Variants in URM1 observed in about 807,000 individuals in gnomAD.
URM1 encodes ubiquitin-related modifier 1.
A neutral mutation model predicts 17.7 loss-of-function variants in URM1; 11 were observed. The ratio of observed to expected loss-of-function variants is 0.62; its 90% CI spans 0.39 to 1.03. The LOEUF is 1.03. Ranked by LOEUF, URM1 falls within the 50% of genes least tolerant of loss-of-function variation. The pLI is 0.00. For synonymous variants in URM1, 48 were observed against 50.6 expected (o/e 0.95, Z 0.22); for missense variants, 128 against 129.2 (o/e 0.99, Z 0.04).
chr9:128,373,692 T>C (rs549873458), intron 1 of URM1, among the ~76,000 whole-genome samples: 1 of 152,302 alleles, frequency 6.6e-6, no homozygotes, highest in South Asian at 2.1e-4. Context: ...GGCCCAGATA[T>C]GGAGTTCTCT....
intron 3 of URM1, chr9:128,389,060 T>C (rs1324813928): frequency 1.5e-6 from 2 of 1,354,176 alleles, no homozygotes; most frequent in South Asian, 2.1e-5. Context: ...ATTTTCCATC[T>C]GGCTACAAAG....
intron 4 of URM1, 123 bp downstream of exon 4, chr9:128,389,432 C>G (rs1564413786): frequency 6.3e-7 from 1 of 1,590,428 alleles, no homozygotes; most frequent in Non-Finnish European, 8.6e-7. Flanking sequence ...ACTCCAGCCC[C>G]ACACTGAGGC....
intron 2 of URM1, among the ~76,000 whole-genome samples, chr9:128,380,969 T>C (rs974739931): frequency 2.6e-5 from 4 of 152,106 alleles, no homozygotes; most frequent in African/African-American, 9.7e-5. Flanking sequence ...GGACTACAGG[T>C]GCCTGCCACC....
chr9:128,385,659 G>A (rs938112517), intron 2 of URM1, among the ~76,000 whole-genome samples: 3 of 152,150 alleles, frequency 2.0e-5, no homozygotes, highest in Non-Finnish European at 4.4e-5. Context: ...CATCTGGCTT[G>A]GAGGCTATTT....
intron 1 of URM1, among the ~76,000 whole-genome samples, chr9:128,371,704 C>G (rs2286814): frequency 6.6e-6 from 1 of 152,028 alleles, no homozygotes; most frequent in African/African-American, 2.4e-5. Context: ...CAGCCTCTCT[C>G]TCTTCTTTTC....
intron 2 of URM1, among the ~76,000 whole-genome samples, chr9:128,384,919 C>T (rs1360587673): frequency 6.6e-6 from 1 of 152,176 alleles, no homozygotes; most frequent in Non-Finnish European, 1.5e-5. Context: ...CCCTCCCTAC[C>T]TCCCCAGTTG....
chr9:128,371,325 AT>A (rs375450607), upstream of URM1: 4,869 of 1,572,590 alleles, frequency 3.1e-3, 21 homozygotes, highest in Middle Eastern at 0.011. Flanking sequence ...ACGCCCGGAA[AT>A]TTGCGGGCGC....
chr9:128,373,753 G>C (rs1017638963), intron 1 of URM1, among the ~76,000 whole-genome samples: 6 of 152,206 alleles, frequency 3.9e-5, no homozygotes, highest in African/African-American at 1.4e-4. Flanking sequence ...TTGGCAAAAG[G>C]AGGGAATGTC....
chr9:128,389,140 G>C, intron 3 of URM1, 121 bp from the exon 4 acceptor site: 1 of 1,484,302 alleles, frequency 6.7e-7, no homozygotes, highest in Non-Finnish European at 8.9e-7. Context: ...TCTTTAGCCA[G>C]ACCCCAGGAG....
chr9:128,385,129 A>G (rs967522096), intron 2 of URM1, among the ~76,000 whole-genome samples: 6 of 152,132 alleles, frequency 3.9e-5, no homozygotes, highest in African/African-American at 1.4e-4. Context: ...GCCTGGCCCC[A>G]TCTCCTGCTG....
chr9:128,388,859 G>A, intron 3 of URM1: 3 of 1,007,354 alleles, frequency 3.0e-6, no homozygotes, highest in Non-Finnish European at 3.6e-6. Context: ...TTAGACCCCT[G>A]GAAAAGTCCT....
chr9:128,380,853 C>G lies in URM1; in HGVS notation c.106+2747C>G, dbSNP rs140274452. On this transcript the variant is annotated intron_variant, in intron 2 of 4. Transcript: ENST00000372853. ...TTTGTTGTTGTTTTTGAGACGTAGT[C>G]TCGCTCTGTTGCCCAGGCTGGAATG... Among the ~76,000 whole-genome samples the G allele has an allele frequency of 1.8e-3, 272 of 152,006 alleles. 1 individual carries two copies. Among genetic ancestry groups the G allele is most frequent in the African/African-American group, 6.2e-3 (256 of 41,454 alleles).
At chr9:128,376,978 C>A (rs980480415) in intron 1 of URM1, among the ~76,000 whole-genome samples, 3 of 151,928 alleles carry the variant, frequency 2.0e-5, no homozygotes, top group African/African-American at 7.3e-5. Context: ...AAAGCAAGAC[C>A]TTGTCTCAAA....
Position 128,372,258 on chromosome 9 carries a change from ATAGG to A in URM1, c.35+848_35+851del, listed in dbSNP as rs1199150629. ...TACAGTATCACGTGGAAAAGAGGAA[ATAGG>A]TAGGGATGTGTGTGTGTGTGTGTGG... On this transcript the variant is annotated intron_variant, in intron 1 of 4. Transcript: ENST00000372853. 7.2e-5 allele frequency among the ~76,000 whole-genome samples: 11 copies of A among 152,030 alleles called. No homozygotes were observed. In the South Asian group the frequency reaches 1.0e-3, roughly 14 times the overall value.
chr9:128,372,190 G>T (rs1339551499), intron 1 of URM1, among the ~76,000 whole-genome samples: 5 of 152,220 alleles, frequency 3.3e-5, no homozygotes, highest in African/African-American at 1.2e-4. Context: ...AGAGCTTAGA[G>T]AGAAGGCAAA....
chr9:128,391,254 A>C lies in URM1; in HGVS notation c.*1520A>C, dbSNP rs1833310369. On this transcript the variant is annotated 3_prime_UTR_variant, in exon 5 of 5. Transcript: ENST00000372853. ...GATGAAAGTGGCAAAAGGTTGTCCC[A>C]GCAGTGTTGGGGGATGGGGTGTGCA... 6.6e-6 allele frequency: 1 copy of C among 152,266 alleles called. No individual in the cohort carries two copies. The highest frequency in any genetic ancestry group is 1.5e-5 in the Non-Finnish European group (1 of 68,066). 9.4% of individuals were successfully genotyped at this position (152,266 alleles called of 1,614,324 possible).
chr9:128,371,488 TG>T (rs1325448580), intron 1 of URM1, 73 bp downstream of exon 1: 49 of 1,522,738 alleles, frequency 3.2e-5, no homozygotes, highest in Non-Finnish European at 4.1e-5. Context: ...CCTTCTGCCG[TG>T]GGGCCTGACA....
chr9:128,386,673 A>AAGTCTC (rs553435114), intron 2 of URM1, among the ~76,000 whole-genome samples: 316 of 152,346 alleles, frequency 2.1e-3, no homozygotes, highest in African/African-American at 7.5e-3. Flanking sequence ...GGGCAGAGCA[A>AAGTCTC]AGTCTCCCTG....
chr9:128,389,941 C>G lies in URM1; in HGVS notation c.*207C>G. 1 of 636,568 alleles carries G rather than the reference C, an allele frequency of 1.6e-6. No homozygotes were observed. Among genetic ancestry groups the G allele is most frequent in the South Asian group, 2.1e-5 (1 of 47,936 alleles). 39.4% of individuals were successfully genotyped at this position (636,568 alleles called of 1,614,324 possible). ...TGAGCAGCGGAAGGCAGACAGGCGCCAGAGCCCAGCACTCCCTTTTCCAGC... is the reference window on the plus strand; with the variant it reads ...TGAGCAGCGGAAGGCAGACAGGCGCGAGAGCCCAGCACTCCCTTTTCCAGC... On this transcript the variant is annotated 3_prime_UTR_variant, in exon 5 of 5. Transcript: ENST00000372853.
Sources: gnomAD v4.1 joint callset for allele counts (sites outside exome capture counted in the v4.1 genomes callset) on GRCh38, gnomAD v4.1.1 for gene constraint, MANE v1.5 for transcripts, NCBI Gene and HGNC (gene_info 2026-07-23, HGNC 2026-07-21) for gene names.